WDR89: variants seen among roughly 807,000 people sequenced by gnomAD.
The protein encoded by WDR89 is WD repeat-containing protein 89.
A neutral mutation model predicts 29.1 loss-of-function variants in WDR89; 17 were observed. That is an observed-to-expected ratio of 0.58 (90% confidence interval 0.40 to 0.88). The LOEUF (loss-of-function observed/expected upper bound fraction) is 0.88, where lower values mean the gene tolerates loss of function less well. WDR89 is among the 40% of genes least tolerant of loss of function. WDR89 has a pLI of 0.00. For missense variants in WDR89, 396 were observed against 456.3 expected (o/e 0.87, Z 1.20); for synonymous variants, 138 against 157.8 (o/e 0.87, Z 0.94).
chr14:63,640,991 G>C (rs1418818379), intron 1 of WDR89, among the ~76,000 whole-genome samples: 1 of 149,014 alleles, frequency 6.7e-6, no homozygotes, highest in Non-Finnish European at 1.5e-5. Context: ...CCGGCTACTC[G>C]GGAGGCTGAG....
intron 1 of WDR89, among the ~76,000 whole-genome samples, chr14:63,631,265 G>C (rs1437333794): frequency 6.6e-6 from 1 of 152,136 alleles, no homozygotes; most frequent in East Asian, 1.9e-4. Context: ...AGATAATGGA[G>C]TTCCCAACAG....
chr14:63,606,267 A>G (rs975657309), intron 2 of WDR89, among the ~76,000 whole-genome samples: 2 of 152,140 alleles, frequency 1.3e-5, no homozygotes, highest in Non-Finnish European at 2.9e-5. Context: ...ATTTTTAACA[A>G]AAGAGTTTTA....
At chr14:63,634,554 A>G (rs546738576) in intron 1 of WDR89, among the ~76,000 whole-genome samples, 130 of 151,878 alleles carry the variant, frequency 8.6e-4, no homozygotes, top group African/African-American at 3.1e-3. Flanking sequence ...AGGGAGAAAT[A>G]TTCAGGGAAA....
rs774900502 is a variant in WDR89, at chr14:63,599,868, G to C, written c.75C>G (p.Tyr25Ter). Residue 25 changes from tyrosine (Y) to a stop codon, truncating the protein, a stop_gained, in exon 3 of 3, where the codon TAC becomes TAG. Transcript: ENST00000620954. LOFTEE classifies it high-confidence loss of function. ...KCSLGTKEPT[Y>*]LLGIDTSKTV... ...TCTTTGATGTGTCTATACCAAGAAG[G>C]TAAGTGGGCTCTTTGGTTCCTAAGG... is the stretch of plus-strand genomic sequence containing the variant. 3.7e-6 allele frequency: 6 copies of C among 1,614,014 alleles called. No individual in the cohort carries two copies. Among genetic ancestry groups the C allele is most frequent in the Non-Finnish European group, 5.1e-6 (6 of 1,179,972 alleles).
chr14:63,625,268 C>A (rs142380366), intron 1 of WDR89, among the ~76,000 whole-genome samples: 301 of 152,238 alleles, frequency 2.0e-3, no homozygotes, highest in Middle Eastern at 0.014. Flanking sequence ...ATTATAGGAA[C>A]TGGTTGTTAG....
At chr14:63,600,006 T>A in intron 2 of WDR89, 33 bp from the exon 3 acceptor site, 1 of 1,242,688 alleles carries the variant, frequency 8.0e-7, no homozygotes, top group Non-Finnish European at 1.1e-6. Context: ...AAATAAAAAT[T>A]AATGCTTAAC....
chr14:63,619,601 G>T (rs574373741), intron 2 of WDR89, among the ~76,000 whole-genome samples: 2 of 152,166 alleles, frequency 1.3e-5, no homozygotes, highest in East Asian at 3.9e-4. Context: ...AAATAATTAT[G>T]AATTGGTTAT....
intron 2 of WDR89, among the ~76,000 whole-genome samples, chr14:63,608,758 G>A (rs1881762293): frequency 6.6e-6 from 1 of 151,936 alleles, no homozygotes; most frequent in South Asian, 2.1e-4. Context: ...CATGCCTTCT[G>A]CCTTTAAGAA....
intron 1 of WDR89, among the ~76,000 whole-genome samples, chr14:63,628,205 C>T (rs768686384): frequency 1.4e-4 from 22 of 152,152 alleles, no homozygotes; most frequent in Non-Finnish European, 3.1e-4. Flanking sequence ...ACCATGATCA[C>T]TCCAGTCCAG....
At chr14:63,608,533 G>T (rs2139507777) in intron 2 of WDR89, among the ~76,000 whole-genome samples, 1 of 152,252 alleles carries the variant, frequency 6.6e-6, no homozygotes, top group African/African-American at 2.4e-5. Flanking sequence ...CTGTCCTCAA[G>T]TCCCTTTCCT....
chr14:63,620,148 G>A (rs968120875), intron 2 of WDR89, among the ~76,000 whole-genome samples: 2 of 151,856 alleles, frequency 1.3e-5, no homozygotes, highest in Admixed American at 1.3e-4. Context: ...TAAAGAAAAT[G>A]TGGTATAAAA....
At chr14:63,605,023 G>GC (rs1422242190) in intron 2 of WDR89, among the ~76,000 whole-genome samples, 4 of 152,060 alleles carry the variant, frequency 2.6e-5, no homozygotes, top group Admixed American at 1.3e-4. Flanking sequence ...GGTGGTGCAC[G>GC]CCTATAGTCC....
In WDR89 at chr14:63,614,832, CTAATA is replaced by C. The variant is rs374045617; in HGVS notation, c.-32+10091_-32+10095del. ...TGCTAAACTGACATCTGCTACAACT[CTAATA>C]TAATTTTAAATTTCACATTCATTAA... On this transcript the variant is annotated intron_variant, in intron 2 of 2. Coordinates refer to ENST00000620954, the MANE Select transcript of WDR89 (RefSeq NM_080666.4). Among the ~76,000 whole-genome samples, 112 of 152,292 alleles carry C rather than the reference CTAATA, an allele frequency of 7.4e-4. 2 individuals carry two copies. In the East Asian group the frequency reaches 0.012, roughly 16 times the overall value.
intron 1 of WDR89, among the ~76,000 whole-genome samples, chr14:63,632,068 C>G (rs1256328113): frequency 6.6e-6 from 1 of 151,382 alleles, no homozygotes; most frequent in Non-Finnish European, 1.5e-5. Flanking sequence ...GCCGACAGTG[C>G]ACCACTGCAC....
intron 1 of WDR89, among the ~76,000 whole-genome samples, chr14:63,640,970 C>T (rs1264745878): frequency 6.7e-6 from 1 of 149,568 alleles, no homozygotes; most frequent in Non-Finnish European, 1.5e-5. Flanking sequence ...TGGTGCCAGG[C>T]GCCTATAATC....
Position 63,599,816 on chromosome 14 carries a change from CCAAGTT to C in WDR89, c.121_126del (p.Asn41_Leu42del). 1 of 1,614,096 alleles carries C rather than the reference CCAAGTT, an allele frequency of 6.2e-7. No individual in the cohort carries two copies. Among genetic ancestry groups the C allele is most frequent in the African/African-American group, 1.3e-5 (1 of 75,022 alleles). On this transcript the variant is annotated inframe_deletion, in exon 3 of 3. Coordinates refer to ENST00000620954, the MANE Select transcript of WDR89 (RefSeq NM_080666.4). ...GATCCATTAGAACATAAAACAGCAA[CCAAGTT>C]TTCCTTTCCTGCTTGGACAGTCTTT...
intron 2 of WDR89, among the ~76,000 whole-genome samples, chr14:63,621,215 G>T (rs1007511926): frequency 6.6e-6 from 1 of 152,018 alleles, no homozygotes; most frequent in Non-Finnish European, 1.5e-5. Context: ...ACATATGTTC[G>T]TGCAAAAAAA....
chr14:63,607,978 C>T (rs535419059), intron 2 of WDR89, among the ~76,000 whole-genome samples: 14 of 151,794 alleles, frequency 9.2e-5, no homozygotes, highest in East Asian at 3.9e-4. Flanking sequence ...GAGGCCAAGG[C>T]GGGCAGATCA....
chr14:63,623,485 C>T lies in WDR89; in HGVS notation c.-32+1443G>A, dbSNP rs148072408. 4.3e-3 allele frequency among the ~76,000 whole-genome samples: 652 copies of T among 151,846 alleles called. 7 individuals carry two copies. The highest frequency in any genetic ancestry group is 0.014 in the African/African-American group (599 of 41,420). On this transcript the variant is annotated intron_variant, in intron 2 of 2. Coordinates refer to ENST00000620954, the MANE Select transcript of WDR89 (RefSeq NM_080666.4). ...TTGGGAGGCTGAGGTGGGTGGATCA[C>T]TTGAGGTCAGGAGTCCAAGACCAGC...
Sources: gnomAD v4.1 joint callset for allele counts (sites outside exome capture counted in the v4.1 genomes callset) on GRCh38, gnomAD v4.1.1 for gene constraint, MANE v1.5 for transcripts, NCBI Gene and HGNC (gene_info 2026-07-23, HGNC 2026-07-21) for gene names.